Variants in ACACB observed in about 807,000 individuals in gnomAD.
ACACB encodes acetyl-CoA carboxylase beta, also known as acetyl-CoA carboxylase 2.
ACACB carries 209 observed loss-of-function variants against 278.8 expected under a neutral mutation model. The ratio of observed to expected loss-of-function variants is 0.75; its 90% CI spans 0.67 to 0.84. The LOEUF (loss-of-function observed/expected upper bound fraction) is 0.84, where lower values mean the gene tolerates loss of function less well. Among genes scored for constraint, ACACB ranks in the 40% least tolerant of loss-of-function variants. ACACB has a pLI of 0.00. For synonymous variants in ACACB, 1,174 were observed against 1,285.6 expected (o/e 0.91, Z 1.86); for missense variants, 2,850 against 3,269.0 (o/e 0.87, Z 3.13).
intron 15 of ACACB, among the ~76,000 whole-genome samples, 161 bp from the exon 16 acceptor site, chr12:109,193,487 G>A (rs2044970002): frequency 6.6e-6 from 1 of 152,124 alleles, no homozygotes; most frequent in Non-Finnish European, 1.5e-5. Flanking sequence ...CAAGGTGCAG[G>A]GATTACAGGC....
chr12:109,231,382 A>G (rs1211968798), intron 28 of ACACB, among the ~76,000 whole-genome samples: 3 of 152,212 alleles, frequency 2.0e-5, no homozygotes, highest in Non-Finnish European at 4.4e-5. Context: ...TTCATGTTAA[A>G]TGAATACATG....
At chr12:109,156,113 TACTC>T (rs902925930) in intron 2 of ACACB, among the ~76,000 whole-genome samples, 35 of 152,180 alleles carry the variant, frequency 2.3e-4, no homozygotes, top group African/African-American at 7.7e-4. Context: ...TAGTCCCAAA[TACTC>T]AGGAGGCTGA....
intron 19 of ACACB, among the ~76,000 whole-genome samples, chr12:109,203,365 A>G (rs2045394372): frequency 6.6e-6 from 1 of 152,212 alleles, no homozygotes; most frequent in African/African-American, 2.4e-5. Context: ...CCAGGATCCC[A>G]TCCAGGTTAG....
At chr12:109,203,857 G>C (rs1019536241) in intron 19 of ACACB, among the ~76,000 whole-genome samples, 1 of 152,186 alleles carries the variant, frequency 6.6e-6, no homozygotes, top group African/African-American at 2.4e-5. Context: ...AGTGCTCGGA[G>C]CATAGTGGGT....
intron 11 of ACACB, among the ~76,000 whole-genome samples, chr12:109,182,280 C>T (rs896356762): frequency 6.6e-6 from 1 of 152,106 alleles, no homozygotes. Context: ...GTTTGCCATT[C>T]GTATGTCTTC....
At chr12:109,246,553 A>G (rs1218993652) in intron 39 of ACACB, 105 bp downstream of exon 39, 4 of 1,369,354 alleles carry the variant, frequency 2.9e-6, no homozygotes, top group South Asian at 1.4e-5. Context: ...TCACTTATGT[A>G]TAAAGCACAG....
At chr12:109,183,234 CT>C (rs1380762317) in intron 11 of ACACB, among the ~76,000 whole-genome samples, 1 of 151,578 alleles carries the variant, frequency 6.6e-6, no homozygotes, top group South Asian at 2.1e-4. Flanking sequence ...AGTGTTTGTT[CT>C]TTTTTTTCAG....
chr12:109,175,294 T>C (rs1565888912), intron 7 of ACACB, among the ~76,000 whole-genome samples: 1 of 152,208 alleles, frequency 6.6e-6, no homozygotes, highest in Non-Finnish European at 1.5e-5. Context: ...GTTAAATCTT[T>C]GCATGGTGTT....
upstream of ACACB, among the ~76,000 whole-genome samples, chr12:109,112,207 A>C (rs2042312186): frequency 6.7e-6 from 1 of 149,062 alleles, no homozygotes; most frequent in Admixed American, 6.7e-5. Flanking sequence ...ACAAAAGTTC[A>C]ATATACGTAT....
chr12:109,201,566 G>C lies in ACACB; in HGVS notation c.2779-1G>C, dbSNP rs2045332527. ...TACTATTTCTTCTTTTTACGAAATAGGTGATGAAGATGATCATGACCCTGA... is the reference window on the plus strand; with the variant it reads ...TACTATTTCTTCTTTTTACGAAATACGTGATGAAGATGATCATGACCCTGA... On this transcript the variant is annotated splice_acceptor_variant, in intron 18 of 52. Coordinates refer to ENST00000338432, the MANE Select transcript of ACACB (RefSeq NM_001093.4). LOFTEE classifies it high-confidence loss of function. The C allele has an allele frequency of 6.2e-7, 1 of 1,613,980 alleles. No individual in the cohort carries two copies. Among genetic ancestry groups the C allele is most frequent in the Non-Finnish European group, 8.5e-7 (1 of 1,179,990 alleles).
chr12:109,144,754 C>T (rs12371594), intron 2 of ACACB, among the ~76,000 whole-genome samples: 89,232 of 102,482 alleles, frequency 0.87, 39,246 homozygotes, highest in Non-Finnish European at 0.92. Flanking sequence ...TTCTTTCTTT[C>T]TTTTTTTTTT....
intron 1 of ACACB, among the ~76,000 whole-genome samples, chr12:109,121,001 G>T (rs1270755546): frequency 6.6e-6 from 1 of 152,116 alleles, no homozygotes; most frequent in South Asian, 2.1e-4. Flanking sequence ...GTGCAGTGGC[G>T]TGATCTCAGC....
At chr12:109,140,268 TTCTTTCCTTCCTTCC>T (rs2043080171) in intron 2 of ACACB, among the ~76,000 whole-genome samples, 5 of 58,956 alleles carry the variant, frequency 8.5e-5, no homozygotes, top group African/African-American at 1.9e-4. Context: ...CCTTCCTTCC[TTCTTTCCTTCCTTCC>T]TTCCTTCCTT....
At position 109,222,542 on chromosome 12, in the gene ACACB, C is replaced by A; in HGVS notation, c.3600C>A (p.Asp1200Glu). 6.2e-7 allele frequency: 1 copy of A among 1,614,182 alleles called. No individual in the cohort carries two copies. The highest frequency in any genetic ancestry group is 8.5e-7 in the Non-Finnish European group (1 of 1,180,030). ...GTGGCCCAGACCCTTCCCTGTCGGA[C>A]GAGCTGATCTCCATCCTCAACGAGC... ...ELCGPDPSLSDELISILNELT... is the reference protein window; with the variant it reads ...ELCGPDPSLSEELISILNELT... The change falls in exon 25 of 53, where the codon GAC becomes GAA. Residue 1200 changes from aspartate to glutamate, a missense_variant. This residue lies in a region of ACACB where 2,265 missense variants were observed against 2,561.3 expected (regional missense o/e 0.88). Coordinates refer to ENST00000338432, the MANE Select transcript of ACACB (RefSeq NM_001093.4).
chr12:109,265,294 G>A lies in ACACB; in HGVS notation c.7113+14G>A. 6.2e-7 allele frequency: 1 copy of A among 1,612,350 alleles called. No homozygotes were observed. Among genetic ancestry groups the A allele is most frequent in the Non-Finnish European group, 8.5e-7 (1 of 1,179,708 alleles). Reference sequence around the variant, plus strand: ...GGGGCTGTCAAGGTGGGCCTGGGGTGAGAACGAGGCCGGTGAGCACAGGGG... The same window carrying A: ...GGGGCTGTCAAGGTGGGCCTGGGGTAAGAACGAGGCCGGTGAGCACAGGGG... On this transcript the variant is annotated intron_variant, in intron 51 of 52. Coordinates refer to ENST00000338432, the MANE Select transcript of ACACB (RefSeq NM_001093.4).
rs575110246 is a variant in ACACB, at chr12:109,176,370, T to C, written c.1437+107T>C. On this transcript the variant is annotated intron_variant, in intron 9 of 52. Coordinates refer to ENST00000338432, the MANE Select transcript of ACACB (RefSeq NM_001093.4). The stretch of plus-strand genomic sequence containing the variant: ...TCTGTGACAGTCAAGAAGACATTTG[T>C]AGGAGCTGGATGTATCGTTGTATCG... 32 of 1,022,924 alleles carry C rather than the reference T, an allele frequency of 3.1e-5. 1 individual carries two copies. The African/African-American group carries it at 4.3e-4, about 14-fold the overall frequency. 63.4% of individuals were successfully genotyped at this position (1,022,924 alleles called of 1,614,324 possible).
At chr12:109,194,610 CTGTGTG>C (rs144545047) in intron 16 of ACACB, among the ~76,000 whole-genome samples, 9,386 of 95,270 alleles carry the variant, frequency 0.099, 491 homozygotes, top group African/African-American at 0.18. Flanking sequence ...GCCTCTGCCT[CTGTGTG>C]TGTGTGTGTG....
At chr12:109,126,692 C>A (rs564092820) in intron 1 of ACACB, among the ~76,000 whole-genome samples, 192 of 150,056 alleles carry the variant, frequency 1.3e-3, no homozygotes, top group Non-Finnish European at 2.1e-3. Flanking sequence ...TCTACACACA[C>A]AAAAAAAATA....
rs529461816 is a variant in ACACB, at chr12:109,194,511, C to CGTGTGTGTGTGT, written c.2481+782_2481+783insGTGTGTGTGTGT. Among the ~76,000 whole-genome samples the CGTGTGTGTGTGT allele has an allele frequency of 1.6e-3, 87 of 54,328 alleles. 1 individual carries two copies. Among genetic ancestry groups the CGTGTGTGTGTGT allele is most frequent in the South Asian group, 8.3e-3 (19 of 2,290 alleles). The allele number at this position is 54,328 out of a possible 152,430, so 35.6% of individuals were successfully genotyped here. A position where few individuals can be genotyped will look rare whatever the true frequency, so the allele number is the denominator to read the frequency against. On this transcript the variant is annotated intron_variant, in intron 16 of 52. Transcript: ENST00000338432. ...CCCCCAACCTCTGCCTCTGTGTGTGCATGTGTGTGTGTGTGTGTGTGTGTG... is the reference window on the plus strand; with the variant it reads ...CCCCCAACCTCTGCCTCTGTGTGTGCGTGTGTGTGTGTATGTGTGTGTGTGTGTGTGTGTGTG...
Sources: gnomAD v4.1 joint callset for allele counts (sites outside exome capture counted in the v4.1 genomes callset) on GRCh38, gnomAD v4.1.1 for gene constraint, gnomAD v4.1.1 regional missense constraint, MANE v1.5 for transcripts, NCBI Gene and HGNC (gene_info 2026-07-23, HGNC 2026-07-21) for gene names.